Variants in GIT2 observed in about 807,000 individuals in gnomAD.
GIT2 encodes ARF GTPase-activating protein GIT2.
Under a neutral mutation model 100.3 loss-of-function variants are expected in GIT2, and 32 were observed. That is an observed-to-expected ratio of 0.32 (90% CI 0.24 to 0.43). GIT2 has a LOEUF of 0.43. Ranked by LOEUF, GIT2 falls within the 20% of genes least tolerant of loss-of-function variation. The pLI is 1.00. For missense variants in GIT2, 737 were observed against 975.1 expected (o/e 0.76, Z 3.25); for synonymous variants, 353 against 364.1 (o/e 0.97, Z 0.35).
At chr12:109,998,398 A>G (rs1252662746), upstream of GIT2, 4 of 152,232 alleles carry the variant, frequency 2.6e-5, no homozygotes, top group Non-Finnish European at 5.9e-5. Flanking sequence ...ATGTGCATAC[A>G]CTCAGAGGGC....
At chr12:109,997,981 G>A (rs939653292), upstream of GIT2, 1 of 152,202 alleles carries the variant, frequency 6.6e-6, no homozygotes, top group Admixed American at 6.5e-5. Flanking sequence ...CCTGTTGTTA[G>A]CCAGGTACTA....
intron 4 of GIT2, among the ~76,000 whole-genome samples, chr12:109,984,051 C>T (rs1886864190): frequency 6.6e-6 from 1 of 152,168 alleles, no homozygotes; most frequent in South Asian, 2.1e-4. Flanking sequence ...ACTATACCCA[C>T]TTCAAGCTGT....
At position 109,948,274 on chromosome 12, in the gene GIT2, C is replaced by T. The variant is rs997899319; in HGVS notation, c.1393-770G>A. On this transcript the variant is annotated intron_variant, in intron 14 of 19. Transcript: ENST00000355312. This position sits in a 1 kb window ranked among gnomAD's most constrained non-coding sequence, Gnocchi z 4.3. ...CGCTTGCTTCCGTCTGGTGAGTGAT[C>T]ATCTTTCGGCCAGGGCTGGAATATT... The T allele has an allele frequency of 3.0e-6, 3 of 986,592 alleles. No individual in the cohort carries two copies. The highest frequency in any genetic ancestry group is 3.6e-6 in the Non-Finnish European group (3 of 830,752). The allele number at this position is 986,592 out of a possible 1,614,324, so 61.1% of individuals were successfully genotyped here. A position where few individuals can be genotyped will look rare whatever the true frequency, so the allele number is the denominator to read the frequency against.
chr12:109,969,230 C>G (rs189453474), intron 7 of GIT2, among the ~76,000 whole-genome samples: 1 of 128,344 alleles, frequency 7.8e-6, no homozygotes, highest in East Asian at 2.3e-4. Context: ...TGCAATGGTG[C>G]AATATTGGCT....
At chr12:109,966,748 AC>A (rs1882578883) in intron 8 of GIT2, among the ~76,000 whole-genome samples, 1 of 152,018 alleles carries the variant, frequency 6.6e-6, no homozygotes, top group South Asian at 2.1e-4. Flanking sequence ...CATTTCATAA[AC>A]TCTTGACAGT....
chr12:109,965,576 T>C lies in GIT2; in HGVS notation c.766A>G (p.Ser256Gly). Residue 256 changes from serine (S) to glycine (G), a missense_variant and splice_region_variant, in exon 9 of 20, where the codon AGC becomes GGC. Physicochemically the swap from Ser to Gly is moderately conservative, Grantham distance 56. Transcript: ENST00000355312. ...TTTGCCAATTCAGACAAATCCAGGC[T>C]GCTAAGAAAACATACAAAGCTAATA... ...HFIIPQMADS[S>G]LDLSELAKAA... 6.3e-7 allele frequency: 1 copy of C among 1,585,202 alleles called. No individual in the cohort carries two copies. The highest frequency in any genetic ancestry group is 8.6e-7 in the Non-Finnish European group (1 of 1,158,286).
Position 109,978,807 on chromosome 12 carries a change from TTGTC to T in GIT2, c.718+2141_718+2144del, listed in dbSNP as rs1262369811. Reference sequence around the variant, plus strand: ...GGTCTTACTAGCTGCTTTAAAATCTTTGTCTGATAACGCCAACATTTGTGTCATC... The same window carrying T: ...GGTCTTACTAGCTGCTTTAAAATCTTTGATAACGCCAACATTTGTGTCATC... On this transcript the variant is annotated intron_variant, in intron 7 of 19. Coordinates refer to ENST00000355312, the MANE Select transcript of GIT2 (RefSeq NM_057169.5). Among the ~76,000 whole-genome samples the T allele has an allele frequency of 2.6e-5, 4 of 152,346 alleles. No individual in the cohort carries two copies. In the East Asian group the frequency reaches 7.7e-4, roughly 29 times the overall value.
rs976696439 is a variant in GIT2 at position 109,962,571 on chromosome 12, A to G, written c.817-886T>C. Among the ~76,000 whole-genome samples the G allele has an allele frequency of 2.6e-5, 4 of 152,180 alleles. No individual in the cohort carries two copies. Among genetic ancestry groups the G allele is most frequent in the African/African-American group, 4.8e-5 (2 of 41,442 alleles). ...CAGCCTGCAGTGCCTCCCTGGGCACATGGAGGATAATTGAGGTCTTCCTGG... is the reference window on the plus strand; with the variant it reads ...CAGCCTGCAGTGCCTCCCTGGGCACGTGGAGGATAATTGAGGTCTTCCTGG... On this transcript the variant is annotated intron_variant, in intron 9 of 19. Transcript: ENST00000355312. This position sits in a 1 kb window ranked among gnomAD's most constrained non-coding sequence, Gnocchi z 4.3.
At chr12:109,943,212 G>A (rs1555223350) in intron 16 of GIT2, among the ~76,000 whole-genome samples, 1 of 152,140 alleles carries the variant, frequency 6.6e-6, no homozygotes, top group Non-Finnish European at 1.5e-5. Flanking sequence ...TTTCACAGTA[G>A]ACAAAAGAGG....
intron 18 of GIT2, among the ~76,000 whole-genome samples, chr12:109,938,167 C>G (rs1873575270): frequency 6.6e-6 from 1 of 151,902 alleles, no homozygotes; most frequent in Middle Eastern, 3.2e-3. Context: ...TTCGGAGCTT[C>G]GTAACAAGAT....
chr12:109,953,834 A>G (rs1878575295), intron 12 of GIT2: 1 of 152,274 alleles, frequency 6.6e-6, no homozygotes, highest in South Asian at 2.1e-4. Context: ...CTGCTCAGAT[A>G]AAGAAGGCAG....
At chr12:109,970,052 G>A (rs942126439) in intron 7 of GIT2, among the ~76,000 whole-genome samples, 7 of 151,926 alleles carry the variant, frequency 4.6e-5, no homozygotes, top group East Asian at 1.9e-4. Flanking sequence ...CACCGTGCCC[G>A]GACCTCTTAC....
At position 109,933,622 on chromosome 12, in the gene GIT2, C is replaced by A. The variant is rs1872143858; in HGVS notation, c.2067+400G>T. 9.7e-6 allele frequency: 2 copies of A among 205,142 alleles called. No individual in the cohort carries two copies. Among genetic ancestry groups the A allele is most frequent in the Non-Finnish European group, 2.0e-5 (2 of 100,616 alleles). 12.7% of individuals were successfully genotyped at this position (205,142 alleles called of 1,614,324 possible). On this transcript the variant is annotated intron_variant, in intron 19 of 19. Coordinates refer to ENST00000355312, the MANE Select transcript of GIT2 (RefSeq NM_057169.5). This position sits in a 1 kb window ranked among gnomAD's most constrained non-coding sequence, Gnocchi z 4.5. ...TATTTTATTTTACTTTTTTTTGAGA[C>A]TTGAGTTTCACTCTTGTTGCCCAGG... is the stretch of plus-strand genomic sequence containing the variant.
In GIT2 at chr12:109,948,628, A is replaced by G. The variant is rs947391335; in HGVS notation, c.1393-1124T>C. ...GGGTGTGGTGTGAGTTCAGCTGTCT[A>G]CTCTTTGACAGAGATTGTAAAATCT... On this transcript the variant is annotated intron_variant, in intron 14 of 19. Transcript: ENST00000355312. The surrounding 1 kb of genome is among the most constrained non-coding windows in gnomAD (Gnocchi z 4.3). The G allele has an allele frequency of 4.0e-5, 57 of 1,423,182 alleles. No individual in the cohort carries two copies. In the Admixed American group the frequency reaches 4.3e-4, roughly 11 times the overall value. The allele number at this position is 1,423,182 out of a possible 1,614,324, so 88.2% of individuals were successfully genotyped here.
At chr12:109,943,857 AATTTTTTAT>A (rs1875521005) in intron 16 of GIT2, among the ~76,000 whole-genome samples, 1 of 151,334 alleles carries the variant, frequency 6.6e-6, no homozygotes, top group Admixed American at 6.6e-5. Flanking sequence ...ACACCCGGAT[AATTTTTTAT>A]ATTTTTTATA....
At position 109,933,110 on chromosome 12, in the gene GIT2, C is replaced by G; in HGVS notation, c.2148G>C (p.Lys716Asn). 1 of 1,612,166 alleles carries G rather than the reference C, an allele frequency of 6.2e-7. No individual in the cohort carries two copies. The highest frequency in any genetic ancestry group is 8.5e-7 in the Non-Finnish European group (1 of 1,178,746). ...GTGAGCCGGGGTCCCCTGGGAGGGT[C>G]TTCTTGCACTCTGACTGCAGTCGGT... ...SAYRLQSECK[K>N]TLPGDPGSPT... The change falls in exon 20 of 20, where the codon AAG becomes AAC. Residue 716 changes from lysine (K) to asparagine (N), a missense_variant. Lys to Asn is a moderately conservative substitution (Grantham distance 94, BLOSUM62 0). Transcript: ENST00000355312. This position sits in a 1 kb window ranked among gnomAD's most constrained non-coding sequence, Gnocchi z 4.5.
intron 3 of GIT2, 96 bp from the exon 4 acceptor site, chr12:109,989,164 C>A (rs1374448517): frequency 1.3e-6 from 1 of 768,454 alleles, no homozygotes. Context: ...ACCCACATCC[C>A]CCACTTGAGA....
chr12:109,982,972 C>T (rs148001007), intron 6 of GIT2: 206 of 169,472 alleles, frequency 1.2e-3, no homozygotes, highest in Non-Finnish European at 2.0e-3. Context: ...ATGTCTACTA[C>T]CCAAACCTTA....
intron 7 of GIT2, among the ~76,000 whole-genome samples, chr12:109,972,471 A>ATT (rs879434945): frequency 5.6e-5 from 8 of 143,772 alleles, no homozygotes; most frequent in Non-Finnish European, 1.1e-4. Flanking sequence ...ACATTAACTG[A>ATT]TTTTTTTTTT....
Sources: gnomAD v4.1 joint callset for allele counts (sites outside exome capture counted in the v4.1 genomes callset) on GRCh38, gnomAD v4.1.1 for gene constraint, Gnocchi (gnomAD v3.1) non-coding constraint, MANE v1.5 for transcripts, NCBI Gene and HGNC (gene_info 2026-07-23, HGNC 2026-07-21) for gene names.